NPAS2: variants seen among roughly 807,000 people sequenced by gnomAD.
NPAS2 encodes the protein neuronal PAS domain-containing protein 2.
Under a neutral mutation model 107.5 loss-of-function variants are expected in NPAS2, and 23 were observed. The observed-to-expected ratio is 0.21, with a 90% confidence interval of 0.15 to 0.30. The LOEUF is 0.30. Ranked by LOEUF, NPAS2 falls within the 10% of genes least tolerant of loss-of-function variation. The probability of loss-of-function intolerance (pLI) is 1.00; values close to 1 mark genes in which losing one functional copy is unlikely to be tolerated. For synonymous variants in NPAS2, 403 were observed against 417.5 expected (o/e 0.97, Z 0.42); for missense variants, 756 against 1,043.3 (o/e 0.72, Z 3.79).
At chr2:100,964,813 G>A (rs751063313) in intron 8 of NPAS2, 48 bp from the exon 9 acceptor site, 4 of 1,168,760 alleles carry the variant, frequency 3.4e-6, no homozygotes, top group South Asian at 1.4e-5. Flanking sequence ...CCTAGGGTGA[G>A]CATCTGGCAC....
chr2:100,852,532 G>T (rs1057151001), intron 1 of NPAS2, among the ~76,000 whole-genome samples: 2 of 152,210 alleles, frequency 1.3e-5, no homozygotes, highest in African/African-American at 2.4e-5. Context: ...ACAGATGTTT[G>T]CATCTGTCAA....
In NPAS2 at chr2:100,950,418, A is replaced by G. The variant is rs75907541; in HGVS notation, c.598+938A>G. The stretch of plus-strand genomic sequence containing the variant: ...GATGCAGAGAGCAGATGATGACAGC[A>G]TTAACTTCTGCTGCGTTCTTGACCA... On this transcript the variant is annotated intron_variant, in intron 7 of 20. Transcript: ENST00000335681. Among the ~76,000 whole-genome samples, 122 of 152,338 alleles carry G rather than the reference A, an allele frequency of 8.0e-4. 2 individuals carry two copies. The East Asian group carries it at 0.022, about 28-fold the overall frequency.
intron 15 of NPAS2, 131 bp from the exon 16 acceptor site, chr2:100,982,100 G>T: frequency 8.9e-7 from 1 of 1,119,784 alleles, no homozygotes; most frequent in Non-Finnish European, 1.3e-6. Context: ...CCAGCCGTGG[G>T]CTCCTTAGGG....
At chr2:100,853,724 G>T (rs536881217) in intron 1 of NPAS2, among the ~76,000 whole-genome samples, 41 of 152,260 alleles carry the variant, frequency 2.7e-4, no homozygotes, top group Non-Finnish European at 3.8e-4. Flanking sequence ...ACACGTGGAG[G>T]AGAACAAAGG....
chr2:100,943,500 G>A (rs1213886379), intron 5 of NPAS2, among the ~76,000 whole-genome samples: 2 of 152,192 alleles, frequency 1.3e-5, no homozygotes, highest in East Asian at 1.9e-4. Context: ...GCGGATGTCT[G>A]AAGACTCCAC....
Position 100,949,498 on chromosome 2 carries a change from T to C in NPAS2, c.598+18T>C, listed in dbSNP as rs913567710. Reference sequence around the variant, plus strand: ...CAACAATGGTAAGCTTTAATTGTCATATAATTGTGACAGTGTCTTTTCTCA... The same window carrying C: ...CAACAATGGTAAGCTTTAATTGTCACATAATTGTGACAGTGTCTTTTCTCA... On this transcript the variant is annotated intron_variant, in intron 7 of 20. Transcript: ENST00000335681. The C allele has an allele frequency of 7.3e-7, 1 of 1,363,338 alleles. No homozygotes were observed. Among genetic ancestry groups the C allele is most frequent in the South Asian group, 1.2e-5 (1 of 85,906 alleles). The allele number at this position is 1,363,338 out of a possible 1,614,324, so 84.5% of individuals were successfully genotyped here.
chr2:100,827,316 C>T (rs1676450277), intron 1 of NPAS2, among the ~76,000 whole-genome samples: 1 of 152,192 alleles, frequency 6.6e-6, no homozygotes, highest in Non-Finnish European at 1.5e-5. Context: ...TCTGAATGTA[C>T]AGTAGTTACG....
intron 1 of NPAS2, among the ~76,000 whole-genome samples, chr2:100,882,408 G>C (rs1308263487): frequency 6.6e-6 from 1 of 152,160 alleles, no homozygotes; most frequent in East Asian, 1.9e-4. Flanking sequence ...AGGAGTTCGA[G>C]ACCATCCTGG....
chr2:100,973,421 C>T (rs1676735777), intron 12 of NPAS2, among the ~76,000 whole-genome samples: 1 of 152,178 alleles, frequency 6.6e-6, no homozygotes. Flanking sequence ...TCTCTGCTGA[C>T]TAGGAACACA....
chr2:100,854,913 G>A (rs1394628246), intron 1 of NPAS2, among the ~76,000 whole-genome samples: 2 of 152,330 alleles, frequency 1.3e-5, no homozygotes, highest in East Asian at 3.9e-4. Context: ...CGCTGTGTGA[G>A]ATGTGCTGTC....
chr2:100,990,899 A>C, intron 19 of NPAS2, 27 bp downstream of exon 19: 1 of 1,592,686 alleles, frequency 6.3e-7, no homozygotes, highest in Non-Finnish European at 8.6e-7. Flanking sequence ...GGGAGGCAGG[A>C]GGCAAGCGCT....
At chr2:100,980,734 G>A (rs1234469208) in intron 15 of NPAS2, among the ~76,000 whole-genome samples, 1 of 152,300 alleles carries the variant, frequency 6.6e-6, no homozygotes, top group East Asian at 1.9e-4. Context: ...GCCTCTCAAA[G>A]TGCTGGGATT....
intron 7 of NPAS2, among the ~76,000 whole-genome samples, chr2:100,958,879 C>G (rs1675737866): frequency 6.6e-6 from 1 of 152,068 alleles, no homozygotes; most frequent in South Asian, 2.1e-4. Flanking sequence ...CCTAAAAATA[C>G]TCATTTTAAT....
intron 1 of NPAS2, among the ~76,000 whole-genome samples, chr2:100,832,568 T>G (rs934365937): frequency 1.3e-5 from 2 of 152,154 alleles, no homozygotes; most frequent in African/African-American, 2.4e-5. Flanking sequence ...AGTCCCTCGG[T>G]GGGAGTTGTT....
intron 2 of NPAS2, among the ~76,000 whole-genome samples, 168 bp downstream of exon 2, chr2:100,904,954 G>A (rs546725188): frequency 1.3e-5 from 2 of 152,174 alleles, no homozygotes; most frequent in Non-Finnish European, 1.5e-5. Context: ...AAACCTTCTA[G>A]AGAGCTCACT....
chr2:100,870,773 C>T (rs1201509389), intron 1 of NPAS2, among the ~76,000 whole-genome samples: 1 of 152,176 alleles, frequency 6.6e-6, no homozygotes, highest in Non-Finnish European at 1.5e-5. Flanking sequence ...GGCACACACC[C>T]CCAACCAGCA....
At chr2:100,960,162 C>T (rs1675835200) in intron 7 of NPAS2, among the ~76,000 whole-genome samples, 1 of 152,062 alleles carries the variant, frequency 6.6e-6, no homozygotes, top group African/African-American at 2.4e-5. Context: ...TTTGGAATCC[C>T]AAGAATACCA....
intron 2 of NPAS2, among the ~76,000 whole-genome samples, chr2:100,920,482 T>G (rs1473492745): frequency 6.6e-6 from 1 of 152,152 alleles, no homozygotes; most frequent in Non-Finnish European, 1.5e-5. Context: ...TGTATTGCAT[T>G]TAATAACTGG....
intron 1 of NPAS2, chr2:100,878,335 C>T: frequency 2.0e-6 from 2 of 985,416 alleles, no homozygotes; most frequent in Non-Finnish European, 2.4e-6. Context: ...CTCTGCAGGC[C>T]AGGAGGAGAC....
Sources: gnomAD v4.1 joint callset for allele counts (sites outside exome capture counted in the v4.1 genomes callset) on GRCh38, gnomAD v4.1.1 for gene constraint, MANE v1.5 for transcripts, NCBI Gene and HGNC (gene_info 2026-07-23, HGNC 2026-07-21) for gene names.